PARP14: variants seen among roughly 807,000 people sequenced by gnomAD.
PARP14 encodes poly(ADP-ribose) polymerase family member 14, also known as protein mono-ADP-ribosyltransferase PARP14.
In PARP14, 59 loss-of-function variants were observed where a neutral mutation model predicts 154.2. The ratio of observed to expected loss-of-function variants is 0.38; its 90% CI spans 0.31 to 0.48. The LOEUF is 0.48. PARP14 is among the 20% of genes least tolerant of loss of function. The pLI is 0.98. For synonymous variants in PARP14, 720 were observed against 780.5 expected (o/e 0.92, Z 1.29); for missense variants, 1,734 against 2,131.6 (o/e 0.81, Z 3.67).
intron 5 of PARP14, among the ~76,000 whole-genome samples, chr3:122,697,589 G>T (rs994971287): frequency 7.9e-5 from 12 of 152,310 alleles, no homozygotes; most frequent in Non-Finnish European, 1.5e-4. Context: ...GGTAGATAGA[G>T]CTTGGTTTAA....
At chr3:122,685,042 C>G (rs887071247) in intron 1 of PARP14, 143 bp from the exon 2 acceptor site, 40 of 775,202 alleles carry the variant, frequency 5.2e-5, no homozygotes, top group East Asian at 2.7e-4. Context: ...TAAACTTTTC[C>G]TCTTTTACTT....
chr3:122,715,250 G>A (rs909177512), intron 12 of PARP14, among the ~76,000 whole-genome samples: 3 of 152,088 alleles, frequency 2.0e-5, no homozygotes, highest in Non-Finnish European at 2.9e-5. Context: ...TGAAGTCAAC[G>A]GAGCTGCCTT....
intron 1 of PARP14, among the ~76,000 whole-genome samples, chr3:122,682,693 C>T (rs1198565149): frequency 6.6e-6 from 1 of 152,168 alleles, no homozygotes; most frequent in African/African-American, 2.4e-5. Context: ...TCTTCCTCCA[C>T]CCCCAGGCTG....
In PARP14 at chr3:122,724,997, CAGA is replaced by C. The variant is rs1576604133; in HGVS notation, c.4942-2810_4942-2808del. On this transcript the variant is annotated intron_variant, in intron 15 of 16. Transcript: ENST00000474629. ...GTTGTAGATTAACAGCATCCCAAGG[CAGA>C]AGAATTTTTCTTAGTACAGAACAAA... Among the ~76,000 whole-genome samples, 9 of 152,306 alleles carry C rather than the reference CAGA, an allele frequency of 5.9e-5. No individual in the cohort carries two copies. In the East Asian group the frequency reaches 1.5e-3, roughly 26 times the overall value.
intron 3 of PARP14, among the ~76,000 whole-genome samples, chr3:122,690,049 T>C (rs1474138393): frequency 6.6e-6 from 1 of 152,198 alleles, no homozygotes; most frequent in Non-Finnish European, 1.5e-5. Flanking sequence ...AACTTCCTCC[T>C]CTTCTCTCAA....
intron 3 of PARP14, among the ~76,000 whole-genome samples, chr3:122,690,392 ATTT>A (rs545368183): frequency 4.7e-5 from 7 of 149,668 alleles, no homozygotes; most frequent in South Asian, 4.2e-4. Flanking sequence ...TGCTTAAGCT[ATTT>A]TTTTTTTAAT....
At chr3:122,685,920 TA>T (rs1265126432) in intron 2 of PARP14, among the ~76,000 whole-genome samples, 4 of 152,206 alleles carry the variant, frequency 2.6e-5, no homozygotes, top group African/African-American at 9.6e-5. Context: ...GAGTTCTTTA[TA>T]ACCTGTAACC....
In PARP14 at chr3:122,700,242, A is replaced by T; in HGVS notation, c.1688A>T (p.Lys563Met). The T allele has an allele frequency of 6.2e-7, 1 of 1,612,458 alleles. No homozygotes were observed. The highest frequency in any genetic ancestry group is 8.5e-7 in the Non-Finnish European group (1 of 1,179,006). The change falls in exon 6 of 17, where the codon AAG (lysine) becomes ATG (methionine). Residue 563 changes from lysine to methionine, a missense_variant. By Grantham distance (95) the Lys-to-Met change is moderately conservative (BLOSUM62 -1). Around this residue, in one of 2 missense-constraint regions of PARP14, gnomAD observed 1,646 missense variants for 1,976.0 expected, o/e 0.83. Transcript: ENST00000474629. ...EFSKCLFIAQKILALYELEGT... is the reference protein window; with the variant it reads ...EFSKCLFIAQMILALYELEGT... ...TCTAAGTGTCTTTTCATAGCACAGA[A>T]GATTCTTGCACTTTATGAGCTAGAG...
chr3:122,682,842 G>T (rs1056337184), intron 1 of PARP14, among the ~76,000 whole-genome samples: 1 of 152,062 alleles, frequency 6.6e-6, no homozygotes, highest in Admixed American at 6.6e-5. Flanking sequence ...GACGAGTTGA[G>T]GAGATCGAGA....
intron 8 of PARP14, among the ~76,000 whole-genome samples, chr3:122,705,657 C>T (rs550692342): frequency 6.6e-6 from 1 of 152,304 alleles, no homozygotes; most frequent in East Asian, 1.9e-4. Flanking sequence ...TTGAAAAGCT[C>T]CCAAGGTACT....
chr3:122,713,817 T>C, intron 10 of PARP14, 55 bp from the exon 11 acceptor site: 2 of 1,273,080 alleles, frequency 1.6e-6, no homozygotes, highest in Non-Finnish European at 2.3e-6. Context: ...CTGATCCAAA[T>C]ATACCATAGT....
chr3:122,697,337 A>G (rs1333547845), intron 5 of PARP14, among the ~76,000 whole-genome samples: 1 of 152,210 alleles, frequency 6.6e-6, no homozygotes, highest in Non-Finnish European at 1.5e-5. Flanking sequence ...TCTTATGGGC[A>G]TCTTGATTGT....
At position 122,685,337 on chromosome 3, in the gene PARP14, T is replaced by C. The variant is rs754367573; in HGVS notation, c.321+19T>C. 6.2e-7 allele frequency: 1 copy of C among 1,610,976 alleles called. No homozygotes were observed. The highest frequency in any genetic ancestry group is 8.5e-7 in the Non-Finnish European group (1 of 1,178,148). On this transcript the variant is annotated intron_variant, in intron 2 of 16. Transcript: ENST00000474629. ...AACAAAAGCAAGTAAACTTTAGGCA[T>C]GAATAAAAGGGATTTAGGTCTCCCA...
Position 122,714,173 on chromosome 3 carries a change from C to T in PARP14, c.3833-89C>T, listed in dbSNP as rs532701481. On this transcript the variant is annotated intron_variant, in intron 11 of 16. Coordinates refer to ENST00000474629, the MANE Select transcript of PARP14 (RefSeq NM_017554.3). ...GGAGTTTTTTTTTTTTCACAAAATGCTTACTTGCCAAGTTATACATTTTGC... is the reference window on the plus strand; with the variant it reads ...GGAGTTTTTTTTTTTTCACAAAATGTTTACTTGCCAAGTTATACATTTTGC... 19 of 1,074,836 alleles carry T rather than the reference C, an allele frequency of 1.8e-5. No individual in the cohort carries two copies. In the African/African-American group the frequency reaches 3.1e-4, roughly 18 times the overall value. The allele number at this position is 1,074,836 out of a possible 1,614,324, so 66.6% of individuals were successfully genotyped here.
intron 3 of PARP14, 70 bp downstream of exon 3, chr3:122,687,183 G>A: frequency 9.2e-7 from 1 of 1,086,508 alleles, no homozygotes; most frequent in Admixed American, 2.0e-5. Flanking sequence ...CAGCACTTGA[G>A]GGAGTCAGCC....
chr3:122,730,569 A>G lies in PARP14; in HGVS notation c.*1972A>G, dbSNP rs535685547. On this transcript the variant is annotated 3_prime_UTR_variant, in exon 17 of 17. Transcript: ENST00000474629. ...GTTTGTTTTTTAAGTGGATTGGCAG[A>G]CTCCTTGTTGCTTAAGAGTGGCTTT... The G allele has an allele frequency of 6.6e-6, 1 of 152,304 alleles. No individual in the cohort carries two copies. Among genetic ancestry groups the G allele is most frequent in the South Asian group, 2.1e-4 (1 of 4,808 alleles). 9.4% of individuals were successfully genotyped at this position (152,304 alleles called of 1,614,324 possible). A position where few individuals can be genotyped will look rare whatever the true frequency, so the allele number is the denominator to read the frequency against.
At chr3:122,725,628 G>A (rs1576604520) in intron 15 of PARP14, among the ~76,000 whole-genome samples, 1 of 151,994 alleles carries the variant, frequency 6.6e-6, no homozygotes. Flanking sequence ...AGCATGTTAT[G>A]GTATATCTTT....
chr3:122,727,868 T>A lies in PARP14; in HGVS notation c.4998T>A (p.Thr1666=), dbSNP rs1576605643. The change falls in exon 16 of 17, where the codon ACT becomes ACA. Residue 1666 remains threonine (T), a synonymous_variant. Coordinates refer to ENST00000474629, the MANE Select transcript of PARP14 (RefSeq NM_017554.3). ...LWNSYQAKKK[T]MDAKNGQTMN... is the part of the protein sequence containing the mutation. ...ATAGCTACCAGGCAAAGAAAAAAACTATGGATGCCAAGAATGGCCAGACAA... is the reference window on the plus strand; with the variant it reads ...ATAGCTACCAGGCAAAGAAAAAAACAATGGATGCCAAGAATGGCCAGACAA... 3 of 1,613,256 alleles carry A rather than the reference T, an allele frequency of 1.9e-6. No individual in the cohort carries two copies. The highest frequency in any genetic ancestry group is 1.3e-5 in the African/African-American group (1 of 74,912).
chr3:122,692,280 C>T (rs1402230914), intron 3 of PARP14, 21 bp from the exon 4 acceptor site: 7 of 1,601,698 alleles, frequency 4.4e-6, no homozygotes, highest in Non-Finnish European at 6.0e-6. Flanking sequence ...TCTTGTACCT[C>T]TTTTGTCTTC....
Sources: allele counts gnomAD v4.1 joint callset (sites outside exome capture counted in the v4.1 genomes callset), GRCh38; gene constraint gnomAD v4.1.1; regional missense constraint gnomAD v4.1.1; transcripts MANE v1.5; gene names NCBI Gene and HGNC (gene_info 2026-07-23, HGNC 2026-07-21).